The following CDAN1 variants were observed in gnomAD, a reference collection of about 807,000 sequenced individuals.
CDAN1 encodes the protein codanin 1, also known as codanin-1.
CDAN1 carries 107 observed loss-of-function variants against 139.8 expected under a neutral mutation model. The ratio of observed to expected loss-of-function variants is 0.77; its 90% confidence interval spans 0.65 to 0.90. The LOEUF is 0.90. Ranked by LOEUF, CDAN1 falls within the 40% of genes least tolerant of loss-of-function variation. The probability of loss-of-function intolerance (pLI) is 0.00; values close to 1 mark genes in which losing one functional copy is unlikely to be tolerated. For synonymous variants in CDAN1, 776 were observed against 660.6 expected (o/e 1.17, Z -2.68); for missense variants, 1,667 against 1,575.7 (o/e 1.06, Z -0.98).
chr15:42,724,787 A>G, intron 27 of CDAN1, 171 bp from the exon 28 acceptor site: 6 of 881,208 alleles, frequency 6.8e-6, no homozygotes, highest in Non-Finnish European at 1.1e-5. Context: ...GGGAGGCTGA[A>G]GTTATGGCAG....
chr15:42,731,952 T>C, intron 10 of CDAN1, 127 bp from the exon 11 acceptor site: 1 of 861,036 alleles, frequency 1.2e-6, no homozygotes, highest in Non-Finnish European at 1.9e-6. Flanking sequence ...TTTAGATAGA[T>C]TTTCTGAGAT....
At position 42,727,924 on chromosome 15, in the gene CDAN1, G is replaced by A. The variant is rs1247632060; in HGVS notation, c.2947+31C>T. ...CTGCCAGTCCACTTTTTAAACACTT[G>A]ATTCAGCCACTCCCCCATCCAGGAC... On this transcript the variant is annotated intron_variant, in intron 22 of 27. Transcript: ENST00000356231. The A allele has an allele frequency of 1.9e-6, 3 of 1,609,164 alleles. No individual in the cohort carries two copies. In the East Asian group the frequency reaches 6.7e-5, roughly 36 times the overall value.
intron 27 of CDAN1, 26 bp downstream of exon 27, chr15:42,725,118 C>T (rs772752733): frequency 6.4e-7 from 1 of 1,556,878 alleles, no homozygotes; most frequent in South Asian, 1.1e-5. Context: ...GTTCTCTCTC[C>T]ACCTAAAAGA....
At position 42,730,672 on chromosome 15, in the gene CDAN1, G is replaced by A. The variant is rs1386140455; in HGVS notation, c.2100C>T (p.Leu700=). The change falls in exon 14 of 28, where the codon CTC becomes CTT. Residue 700 remains leucine, a synonymous_variant. Coordinates refer to ENST00000356231, the MANE Select transcript of CDAN1 (RefSeq NM_138477.4). ...AGGGAACAACATGGTCAGCAAAGGA[G>A]AGAAACTCCACCAGCCAGGGCACGG... The part of the protein sequence containing the change: ...VLTVPWLVEF[L]SFADHVVPLL... 1.2e-6 allele frequency: 2 copies of A among 1,614,124 alleles called. No homozygotes were observed. Among genetic ancestry groups the A allele is most frequent in the South Asian group, 1.1e-5 (1 of 91,072 alleles).
At position 42,729,026 on chromosome 15, in the gene CDAN1, A is replaced by T; in HGVS notation, c.2642T>A (p.Ile881Asn). 1 of 1,613,890 alleles carries T rather than the reference A, an allele frequency of 6.2e-7. No individual in the cohort carries two copies. Among genetic ancestry groups the T allele is most frequent in the Non-Finnish European group, 8.5e-7 (1 of 1,179,796 alleles). ...ERIGSNCVKH[I>N]KATLVADLVR... ...AGGATCCTTAACCCACTCTTACTTGATATGTTTGACACAGTTTGATCCAAT... is the reference window on the plus strand; with the variant it reads ...AGGATCCTTAACCCACTCTTACTTGTTATGTTTGACACAGTTTGATCCAAT... The change falls in exon 19 of 28, where the codon ATC becomes AAC. Residue 881 changes from isoleucine to asparagine, a missense_variant. Physicochemically the swap from Ile to Asn is moderately radical, Grantham distance 149 (BLOSUM62 -3). Coordinates refer to ENST00000356231, the MANE Select transcript of CDAN1 (RefSeq NM_138477.4).
chr15:42,731,902 A>C, intron 10 of CDAN1, 77 bp from the exon 11 acceptor site: 3 of 1,310,116 alleles, frequency 2.3e-6, no homozygotes, highest in South Asian at 1.2e-5. Context: ...AATAAGGAGA[A>C]AGTAATGAAC....
In CDAN1 at chr15:42,725,227, G is replaced by A. The variant is rs774735386; in HGVS notation, c.3475C>T (p.Arg1159Trp). ...ATCAGACCCTTCTCCACCAGCTCCC[G>A]TAGCAAGAATAGCAGCAAGTCCCAC... Reference protein sequence around the residue: ...REWDLLLFLLRELVEKGLMGR... With the variant: ...REWDLLLFLLWELVEKGLMGR... Residue 1159 changes from arginine to tryptophan, a missense_variant, in exon 27 of 28, where the codon CGG becomes TGG. Coordinates refer to ENST00000356231, the MANE Select transcript of CDAN1 (RefSeq NM_138477.4). 2.0e-5 allele frequency: 32 copies of A among 1,614,008 alleles called. No individual in the cohort carries two copies. The highest frequency in any genetic ancestry group is 1.2e-4 in the Admixed American group (7 of 60,008).
intron 16 of CDAN1, 57 bp from the exon 17 acceptor site, chr15:42,729,679 C>G: frequency 6.2e-7 from 1 of 1,606,396 alleles, no homozygotes; most frequent in Non-Finnish European, 8.5e-7. Flanking sequence ...ACCCAGAAAG[C>G]AGGCAGTTGG....
intron 17 of CDAN1, 52 bp from the exon 18 acceptor site, chr15:42,729,414 AG>A (rs1371380452): frequency 3.7e-6 from 6 of 1,611,682 alleles, no homozygotes; most frequent in Non-Finnish European, 5.1e-6. Flanking sequence ...CCCCTCCCTA[AG>A]TATCATGGAC....
In CDAN1 at chr15:42,725,145, C is replaced by T; in HGVS notation, c.3557G>A (p.Gly1186Glu). 1 of 1,612,532 alleles carries T rather than the reference C, an allele frequency of 6.2e-7. No individual in the cohort carries two copies. Among genetic ancestry groups the T allele is most frequent in the Non-Finnish European group, 8.5e-7 (1 of 1,178,524 alleles). Reference sequence around the variant, plus strand: ...CCTAAAAGACAGGAGACTCCTTACCCCTGGCCACTGGGCCTGGTGGAGGCT... The same window carrying T: ...CCTAAAAGACAGGAGACTCCTTACCTCTGGCCACTGGGCCTGGTGGAGGCT... ...LGSLHQAQWP[G>E]DFAEELATLS... The change falls in exon 27 of 28, where the codon GGG becomes GAG. Residue 1186 changes from glycine to glutamate, a missense_variant and splice_region_variant. Physicochemically the swap from Gly to Glu is moderately conservative, Grantham distance 98 (BLOSUM62 -2). Coordinates refer to ENST00000356231, the MANE Select transcript of CDAN1 (RefSeq NM_138477.4).
chr15:42,731,502 T>C, intron 11 of CDAN1, 118 bp downstream of exon 11: 2 of 1,414,838 alleles, frequency 1.4e-6, no homozygotes, highest in Non-Finnish European at 2.0e-6. Flanking sequence ...AGCCAGCAAG[T>C]TGGAGCTGGA....
rs1210741970 is a variant in CDAN1 at position 42,730,690 on chromosome 15, G to T, written c.2082C>A (p.Pro694=). 6.2e-7 allele frequency: 1 copy of T among 1,613,886 alleles called. No individual in the cohort carries two copies. The highest frequency in any genetic ancestry group is 8.5e-7 in the Non-Finnish European group (1 of 1,179,960). ...LQARRAVLTV[P]WLVEFLSFAD... ...CAAAGGAGAGAAACTCCACCAGCCA[G>T]GGCACGGTGAGCACCGCCCGGCGGG... is the stretch of plus-strand genomic sequence containing the variant. Residue 694 remains proline, a synonymous_variant, in exon 14 of 28, where the codon CCC becomes CCA. Coordinates refer to ENST00000356231, the MANE Select transcript of CDAN1 (RefSeq NM_138477.4).
intron 14 of CDAN1, 43 bp downstream of exon 14, chr15:42,730,555 A>G (rs2061596640): frequency 6.2e-7 from 1 of 1,608,302 alleles, no homozygotes; most frequent in Non-Finnish European, 8.5e-7. Context: ...CAATGTCCCG[A>G]GTCCCGAATC....
chr15:42,729,872 G>A lies in CDAN1; in HGVS notation c.2276C>T (p.Pro759Leu). 1 of 1,613,218 alleles carries A rather than the reference G, an allele frequency of 6.2e-7. No homozygotes were observed. The change falls in exon 16 of 28, where the codon CCT becomes CTT. Residue 759 changes from proline (P) to leucine (L), a missense_variant. By Grantham distance (98) the Pro-to-Leu change is moderately conservative. Coordinates refer to ENST00000356231, the MANE Select transcript of CDAN1 (RefSeq NM_138477.4). ...LGWLFQIPTVPEDLFFLEEGP... is the reference protein window; with the variant it reads ...LGWLFQIPTVLEDLFFLEEGP... ...CTCTTCCAGAAAGAACAAGTCCTCA[G>A]GGACTGTGGGAATCTGGCAAGACAG...
At position 42,731,794 on chromosome 15, in the gene CDAN1, G is replaced by T. The variant is rs1287879391; in HGVS notation, c.1565C>A (p.Thr522Asn). ...MCQSPGGAGGTVLGEAPDVLS... is the reference protein window; with the variant it reads ...MCQSPGGAGGNVLGEAPDVLS... ...CACATCTGGGGCCTCGCCCAAGACG[G>T]TGCCCCCAGCACCACCAGGGCTCTG... Residue 522 changes from threonine to asparagine, a missense_variant, in exon 11 of 28, where the codon ACC becomes AAC. Coordinates refer to ENST00000356231, the MANE Select transcript of CDAN1 (RefSeq NM_138477.4). 1.9e-6 allele frequency: 3 copies of T among 1,613,982 alleles called. No homozygotes were observed. Among genetic ancestry groups the T allele is most frequent in the Non-Finnish European group, 2.5e-6 (3 of 1,180,020 alleles).
intron 10 of CDAN1, 136 bp downstream of exon 10, chr15:42,732,197 C>T (rs2061622604): frequency 8.1e-6 from 7 of 863,234 alleles, no homozygotes; most frequent in Middle Eastern, 4.9e-4. Context: ...AGCCACTCCG[C>T]GAGGAGTAGA....
Position 42,731,025 on chromosome 15 carries a change from A to G in CDAN1, c.1907T>C (p.Leu636Ser), listed in dbSNP as rs778541486. ...AGCCACAAAGCCCAGGAATTTAGCC[A>G]AAAGTCTCAGGCTAAGAAGCACCAC... is the stretch of plus-strand genomic sequence containing the variant. ...FAVVLLSLRL[L>S]AKFLGFVAFL... Residue 636 changes from leucine to serine, a missense_variant, in exon 13 of 28, where the codon TTG becomes TCG. Physicochemically the swap from Leu to Ser is moderately radical, Grantham distance 145. Around this residue, in one of 3 missense-constraint regions of CDAN1, gnomAD observed 936 missense variants for 844.1 expected, o/e 1.11. Transcript: ENST00000356231. 21 of 1,614,082 alleles carry G rather than the reference A, an allele frequency of 1.3e-5. No individual in the cohort carries two copies. Among genetic ancestry groups the G allele is most frequent in the Non-Finnish European group, 1.7e-5 (20 of 1,180,034 alleles).
Position 42,730,909 on chromosome 15 carries a change from T to A in CDAN1, c.2007+16A>T. On this transcript the variant is annotated intron_variant, in intron 13 of 27. Coordinates refer to ENST00000356231, the MANE Select transcript of CDAN1 (RefSeq NM_138477.4). ...CCTCCCTGCTCCCTCCTCACCAGAA[T>A]CCCCCGCCCATTCACCTGGCTCCTG... 6.2e-7 allele frequency: 1 copy of A among 1,613,780 alleles called. No individual in the cohort carries two copies. Among genetic ancestry groups the A allele is most frequent in the Non-Finnish European group, 8.5e-7 (1 of 1,179,936 alleles).
At chr15:42,725,818 A>G (rs914561728) in intron 25 of CDAN1, 148 bp from the exon 26 acceptor site, 10 of 862,700 alleles carry the variant, frequency 1.2e-5, no homozygotes, top group Admixed American at 2.7e-5. Flanking sequence ...CCCCATCTCT[A>G]TTAAAAATAC....
Sources: gnomAD v4.1 joint callset for allele counts on GRCh38, gnomAD v4.1.1 for gene constraint, gnomAD v4.1.1 regional missense constraint, MANE v1.5 for transcripts, NCBI Gene and HGNC (gene_info 2026-07-23, HGNC 2026-07-21) for gene names.